PRKG1: variants seen among roughly 807,000 people sequenced by gnomAD.
The protein encoded by PRKG1 is cGMP-dependent protein kinase 1.
In PRKG1, 35 loss-of-function variants were observed where a neutral mutation model predicts 88.1. The observed-to-expected ratio is 0.40, with a 90% CI of 0.30 to 0.53. PRKG1 has a LOEUF of 0.53. PRKG1 is among the 20% of genes least tolerant of loss of function. The pLI, the probability that PRKG1 is intolerant of heterozygous loss-of-function variation, is 0.59. For synonymous variants in PRKG1, 303 were observed against 292.5 expected, an observed-to-expected ratio of 1.04 and a Z score of -0.37; for missense variants, 540 against 839.8, an observed-to-expected ratio of 0.64 and a Z score of 4.41.
chr10:51,628,905 G>A (rs1345332102), intron 3 of PRKG1, among the ~76,000 whole-genome samples: 1 of 150,704 alleles, frequency 6.6e-6, no homozygotes, highest in Non-Finnish European at 1.5e-5. Flanking sequence ...CTTGCAGTGA[G>A]CCGAGATTGC....
chr10:52,167,183 A>G (rs932096602), intron 9 of PRKG1, among the ~76,000 whole-genome samples: 3 of 152,088 alleles, frequency 2.0e-5, no homozygotes, highest in Non-Finnish European at 4.4e-5. Flanking sequence ...TGGCGAGGCC[A>G]CTGGAAGCTT....
intron 9 of PRKG1, among the ~76,000 whole-genome samples, chr10:52,188,847 C>T (rs529864684): frequency 6.6e-6 from 1 of 152,034 alleles, no homozygotes; most frequent in African/African-American, 2.4e-5. Flanking sequence ...GTATTATCTC[C>T]ATATTCAAAG....
chr10:51,382,496 A>G (rs1368647478), intron 2 of PRKG1, among the ~76,000 whole-genome samples: 1 of 152,178 alleles, frequency 6.6e-6, no homozygotes, highest in Non-Finnish European at 1.5e-5. Context: ...ATCAGAGTAA[A>G]CATATCGTCA....
intron 9 of PRKG1, among the ~76,000 whole-genome samples, chr10:52,227,998 T>C (rs72787326): frequency 0.042 from 6,411 of 152,224 alleles, 230 homozygotes; most frequent in South Asian, 0.18. Flanking sequence ...ATGTCTGTTT[T>C]AGCTGTAAAA....
intron 4 of PRKG1, among the ~76,000 whole-genome samples, chr10:51,826,471 G>C (rs1285539788): frequency 2.6e-5 from 4 of 152,184 alleles, no homozygotes; most frequent in Non-Finnish European, 4.4e-5. Context: ...GGAGGACTAA[G>C]TTGATAATAA....
intron 5 of PRKG1, among the ~76,000 whole-genome samples, chr10:51,913,255 A>G (rs1004175881): frequency 6.6e-6 from 1 of 152,174 alleles, no homozygotes; most frequent in Non-Finnish European, 1.5e-5. Flanking sequence ...ACAGGGGTAC[A>G]TGAACAGGTT....
chr10:51,058,410 C>A (rs1459283924), intron 1 of PRKG1, among the ~76,000 whole-genome samples: 1 of 152,086 alleles, frequency 6.6e-6, no homozygotes, highest in South Asian at 2.1e-4. Flanking sequence ...AGCCTCACAG[C>A]AAAATTGAGC....
At chr10:52,184,623 C>G (rs908175727) in intron 9 of PRKG1, 2 of 152,110 alleles carry the variant, frequency 1.3e-5, no homozygotes, top group African/African-American at 4.8e-5. Flanking sequence ...ATGTTACTAT[C>G]AAGAACTACC....
chr10:51,602,199 G>T (rs1838624676), intron 3 of PRKG1, among the ~76,000 whole-genome samples: 2 of 152,208 alleles, frequency 1.3e-5, no homozygotes, highest in South Asian at 2.1e-4. Flanking sequence ...CTTGAGATTT[G>T]AACAACCCTA....
At chr10:51,985,415 T>C (rs1844129541) in intron 5 of PRKG1, among the ~76,000 whole-genome samples, 1 of 152,144 alleles carries the variant, frequency 6.6e-6, no homozygotes, top group African/African-American at 2.4e-5. Flanking sequence ...TGTCAAAAAA[T>C]GTTATTCATA....
intron 5 of PRKG1, among the ~76,000 whole-genome samples, chr10:52,001,697 TAGA>T (rs898813890): frequency 6.6e-6 from 1 of 151,892 alleles, no homozygotes; most frequent in Non-Finnish European, 1.5e-5. Flanking sequence ...GAAACAAAAA[TAGA>T]AGTAAAAGGA....
intron 2 of PRKG1, among the ~76,000 whole-genome samples, chr10:51,172,232 A>G (rs943534377): frequency 1.3e-5 from 2 of 152,070 alleles, no homozygotes; most frequent in Non-Finnish European, 2.9e-5. Flanking sequence ...CTAACACTCT[A>G]TTTAAGCTGA....
intron 4 of PRKG1, among the ~76,000 whole-genome samples, chr10:51,903,814 C>T (rs1842030377): frequency 6.6e-6 from 1 of 152,054 alleles, no homozygotes; most frequent in Non-Finnish European, 1.5e-5. Flanking sequence ...ATCAACTCCA[C>T]CATCATTTAC....
chr10:51,005,512 G>C (rs894255041), intron 1 of PRKG1, among the ~76,000 whole-genome samples: 2 of 152,094 alleles, frequency 1.3e-5, no homozygotes, highest in African/African-American at 4.8e-5. Flanking sequence ...TGGAACAATA[G>C]GACAAAAGGA....
At chr10:51,767,565 A>G (rs1838196761) in intron 3 of PRKG1, among the ~76,000 whole-genome samples, 1 of 152,174 alleles carries the variant, frequency 6.6e-6, no homozygotes, top group Non-Finnish European at 1.5e-5. Context: ...GGGTTTCAGG[A>G]CAGACTGCTG....
intron 2 of PRKG1, among the ~76,000 whole-genome samples, chr10:51,342,582 G>C (rs777251906): frequency 2.0e-5 from 3 of 152,032 alleles, no homozygotes; most frequent in Non-Finnish European, 4.4e-5. Flanking sequence ...CATCACATTT[G>C]ATTTAATTTT....
At chr10:51,792,770 T>G (rs900168117) in intron 3 of PRKG1, among the ~76,000 whole-genome samples, 4 of 152,142 alleles carry the variant, frequency 2.6e-5, no homozygotes, top group African/African-American at 9.6e-5. Context: ...GAACTCTGGA[T>G]GGTTCACACA....
intron 1 of PRKG1, among the ~76,000 whole-genome samples, chr10:51,021,708 C>T (rs1012198114): frequency 1.3e-5 from 2 of 152,060 alleles, no homozygotes; most frequent in African/African-American, 2.4e-5. Context: ...GAGGTGAAGT[C>T]TCACTCTTGT....
Position 52,294,092 on chromosome 10 carries a change from CTGTT to C in PRKG1, c.*195_*198del. 2.1e-6 allele frequency: 1 copy of C among 470,858 alleles called. No homozygotes were observed. Among genetic ancestry groups the C allele is most frequent in the East Asian group, 3.3e-5 (1 of 30,242 alleles). The allele number at this position is 470,858 out of a possible 1,614,324, so 29.2% of individuals were successfully genotyped here. ...GACAATAGTGCTCTTTACATGTTTT[CTGTT>C]TGAACCTAAAATAGCAGTTGACATG... is the stretch of plus-strand genomic sequence containing the variant. On this transcript the variant is annotated 3_prime_UTR_variant, in exon 18 of 18. Coordinates refer to ENST00000373980, the MANE Select transcript of PRKG1 (RefSeq NM_006258.4).
Sources: allele counts gnomAD v4.1 joint callset (sites outside exome capture counted in the v4.1 genomes callset), GRCh38; gene constraint gnomAD v4.1.1; transcripts MANE v1.5; gene names NCBI Gene and HGNC (gene_info 2026-07-23, HGNC 2026-07-21).